Variants in RAG1 observed in about 807,000 individuals in gnomAD.
RAG1 encodes the protein recombination activating 1.
In RAG1, 35 loss-of-function variants were observed where a neutral mutation model predicts 62.7. That is an observed-to-expected ratio of 0.56 (90% CI 0.43 to 0.74). The LOEUF (loss-of-function observed/expected upper bound fraction) is 0.74. RAG1 is among the 30% of genes least tolerant of loss of function. The pLI is 0.00. For synonymous variants in RAG1, 461 were observed against 470.3 expected (o/e 0.98, Z 0.26); for missense variants, 1,169 against 1,278.6 (o/e 0.91, Z 1.31).
chr11:36,543,324 A>G (rs1850339219), intron 3 of RAG1, among the ~76,000 whole-genome samples: 1 of 152,198 alleles, frequency 6.6e-6, no homozygotes, highest in African/African-American at 2.4e-5. Context: ...CCAGTCCAGC[A>G]TCAGAGAACC....
chr11:36,510,482 T>A (rs1462576255), upstream of RAG1: 3 of 152,074 alleles, frequency 2.0e-5, no homozygotes, highest in Non-Finnish European at 4.4e-5. Flanking sequence ...TGTCAATGGG[T>A]GTGTGTTGGA....
intron 1 of RAG1, among the ~76,000 whole-genome samples, chr11:36,513,850 T>C (rs1330282757): frequency 2.6e-5 from 4 of 152,198 alleles, no homozygotes; most frequent in Non-Finnish European, 4.4e-5. Flanking sequence ...AAACTGCCCC[T>C]GTGATTCAGT....
intron 3 of RAG1, among the ~76,000 whole-genome samples, chr11:36,547,633 A>T (rs1850414953): frequency 6.6e-6 from 1 of 152,236 alleles, no homozygotes; most frequent in Non-Finnish European, 1.5e-5. Flanking sequence ...GCAGTAATTT[A>T]TAGCCTACCA....
intron 3 of RAG1, among the ~76,000 whole-genome samples, chr11:36,550,284 G>T (rs116572722): frequency 1.8e-3 from 267 of 151,264 alleles, no homozygotes; most frequent in African/African-American, 6.2e-3. Context: ...AAAGGTTTTT[G>T]GTTTTCCAGT....
chr11:36,570,641 G>C (rs912722404), intron 1 of RAG1, among the ~76,000 whole-genome samples: 18 of 152,236 alleles, frequency 1.2e-4, no homozygotes, highest in Middle Eastern at 3.4e-3. Flanking sequence ...CCTACCAACT[G>C]TGTATGAAGG....
At chr11:36,510,468 A>C (rs1004216374), upstream of RAG1, 3 of 152,186 alleles carry the variant, frequency 2.0e-5, no homozygotes, top group Non-Finnish European at 4.4e-5. Flanking sequence ...GCCGAACCCG[A>C]GTGTGTCAAT....
chr11:36,523,445 G>C (rs953867439), intron 2 of RAG1, among the ~76,000 whole-genome samples: 3 of 152,192 alleles, frequency 2.0e-5, no homozygotes, highest in Non-Finnish European at 2.9e-5. Context: ...ATGTGGAACT[G>C]TAAGTCCAAT....
At chr11:36,537,281 G>A (rs1360369248), downstream of RAG1, among the ~76,000 whole-genome samples, 1 of 151,998 alleles carries the variant, frequency 6.6e-6, no homozygotes, top group African/African-American at 2.4e-5. Flanking sequence ...TTTAGGCCTC[G>A]TGTTAAGTGT....
At chr11:36,513,849 C>A (rs1311660475) in intron 1 of RAG1, among the ~76,000 whole-genome samples, 3 of 152,176 alleles carry the variant, frequency 2.0e-5, no homozygotes, top group Non-Finnish European at 4.4e-5. Flanking sequence ...GAAACTGCCC[C>A]TGTGATTCAG....
At chr11:36,562,988 G>A (rs529730486) in intron 3 of RAG1, among the ~76,000 whole-genome samples, 92 of 152,048 alleles carry the variant, frequency 6.1e-4, no homozygotes, top group African/African-American at 2.2e-3. Flanking sequence ...TCTTCACCTG[G>A]TCATTCATTT....
chr11:36,512,545 G>A (rs1859940793), intron 1 of RAG1, among the ~76,000 whole-genome samples: 1 of 152,152 alleles, frequency 6.6e-6, no homozygotes, highest in Non-Finnish European at 1.5e-5. Flanking sequence ...ATTGAAATTG[G>A]GACCTGGTCA....
At chr11:36,510,867 G>A (rs1485743401) in exon 1 of RAG1, 2 of 152,186 alleles carry the variant, frequency 1.3e-5, no homozygotes, top group East Asian at 1.9e-4. Flanking sequence ...TCTAGAGAAT[G>A]TACCACGCGT....
At chr11:36,520,661 A>G (rs959415607) in intron 2 of RAG1, among the ~76,000 whole-genome samples, 2 of 152,250 alleles carry the variant, frequency 1.3e-5, no homozygotes, top group Admixed American at 1.3e-4. Context: ...GATATATAAA[A>G]GGGTTACAAA....
chr11:36,557,966 T>A (rs1270997019), intron 3 of RAG1, among the ~76,000 whole-genome samples: 11 of 152,188 alleles, frequency 7.2e-5, no homozygotes, highest in Non-Finnish European at 4.4e-5. Flanking sequence ...GAAGGGTACC[T>A]TTTCATTACT....
intron 3 of RAG1, among the ~76,000 whole-genome samples, chr11:36,543,386 C>G (rs1850340901): frequency 6.6e-6 from 1 of 152,250 alleles, no homozygotes; most frequent in Non-Finnish European, 1.5e-5. Flanking sequence ...CACGGCTTTA[C>G]TGCCTCTGCT....
chr11:36,527,275 G>C (rs1012388978), intron 2 of RAG1, among the ~76,000 whole-genome samples: 2 of 152,206 alleles, frequency 1.3e-5, no homozygotes, highest in African/African-American at 4.8e-5. Context: ...GTGTAAGGAA[G>C]TGATCCAGTT....
chr11:36,569,806 T>C (rs1349462991), intron 1 of RAG1, among the ~76,000 whole-genome samples: 1 of 152,210 alleles, frequency 6.6e-6, no homozygotes, highest in Admixed American at 6.5e-5. Flanking sequence ...ACTGTTAAGA[T>C]TTTAGTGTGT....
At chr11:36,515,160 G>A (rs911958995) in intron 1 of RAG1, among the ~76,000 whole-genome samples, 21 of 152,134 alleles carry the variant, frequency 1.4e-4, no homozygotes, top group Non-Finnish European at 2.2e-4. Flanking sequence ...TGGTACATGC[G>A]ATCTGGACAA....
At chr11:36,514,075 C>T (rs1046650206) in intron 1 of RAG1, among the ~76,000 whole-genome samples, 35 of 152,202 alleles carry the variant, frequency 2.3e-4, no homozygotes, top group African/African-American at 8.2e-4. Flanking sequence ...GTCCTGAGGA[C>T]ACCCAAGTAG....
Sources: gnomAD v4.1 joint callset for allele counts (sites outside exome capture counted in the v4.1 genomes callset) on GRCh38, gnomAD v4.1.1 for gene constraint, MANE v1.5 for transcripts, NCBI Gene and HGNC (gene_info 2026-07-23, HGNC 2026-07-21) for gene names.